The following GRHL2 variants were observed in gnomAD, a reference collection of about 807,000 sequenced individuals.
GRHL2 encodes grainyhead like transcription factor 2.
A neutral mutation model predicts 83.8 loss-of-function variants in GRHL2; 21 were observed. The ratio of observed to expected loss-of-function variants is 0.25; its 90% CI spans 0.18 to 0.36. The LOEUF (loss-of-function observed/expected upper bound fraction) is 0.36, where lower values mean the gene tolerates loss of function less well. GRHL2 is among the 10% of genes least tolerant of loss of function. The pLI, the probability that GRHL2 is intolerant of heterozygous loss-of-function variation, is 1.00. For missense variants in GRHL2, 623 were observed against 781.8 expected (o/e 0.80, Z 2.42); for synonymous variants, 280 against 278.9 (o/e 1.00, Z -0.04).
At chr8:101,516,583 A>G (rs1810577599) in intron 1 of GRHL2, among the ~76,000 whole-genome samples, 1 of 152,024 alleles carries the variant, frequency 6.6e-6, no homozygotes, top group Non-Finnish European at 1.5e-5. Context: ...ATGCCCAGCT[A>G]ATTTGTAAAG....
At chr8:101,675,298 A>G in the GRHL2 span, among the ~76,000 whole-genome samples, 1 of 152,164 alleles carries the variant, frequency 6.6e-6, no homozygotes, top group East Asian at 1.9e-4. Flanking sequence ...ATGATTGTAT[A>G]TCTAGAAAAC....
intron 2 of GRHL2, 78 bp from the exon 3 acceptor site, chr8:101,552,637 C>A: frequency 7.3e-7 from 1 of 1,377,094 alleles, no homozygotes; most frequent in Non-Finnish European, 1.0e-6. Context: ...GGTTTCTTTG[C>A]TTATGCCGGT....
chr8:101,518,856 G>A (rs1402558693), intron 1 of GRHL2, among the ~76,000 whole-genome samples: 1 of 152,194 alleles, frequency 6.6e-6, no homozygotes, highest in Admixed American at 6.5e-5. Context: ...TCCATGTTGG[G>A]AGGATATTAG....
chr8:101,559,285 G>T (rs1046167036), intron 4 of GRHL2, among the ~76,000 whole-genome samples: 3 of 149,380 alleles, frequency 2.0e-5, no homozygotes, highest in Non-Finnish European at 3.0e-5. Context: ...GCCGAAGTGC[G>T]TGGATCGAGG....
intron 4 of GRHL2, among the ~76,000 whole-genome samples, chr8:101,559,746 G>C (rs913494930): frequency 3.3e-5 from 5 of 152,062 alleles, no homozygotes; most frequent in African/African-American, 7.2e-5. Context: ...TGAGAATTTT[G>C]GTAATTGTAT....
chr8:101,634,282 T>C (rs532211691), intron 11 of GRHL2, among the ~76,000 whole-genome samples: 2 of 152,314 alleles, frequency 1.3e-5, no homozygotes, highest in South Asian at 4.1e-4. Flanking sequence ...CACACTCAGC[T>C]GTCCCTAGAA....
chr8:101,665,267 C>T (rs1277037995), intron 15 of GRHL2, among the ~76,000 whole-genome samples: 2 of 152,136 alleles, frequency 1.3e-5, no homozygotes, highest in Admixed American at 6.5e-5. Flanking sequence ...CTATGTGTGA[C>T]GGTCTAAGAG....
chr8:101,662,028 G>C (rs1813933123), intron 14 of GRHL2, among the ~76,000 whole-genome samples: 1 of 152,200 alleles, frequency 6.6e-6, no homozygotes, highest in South Asian at 2.1e-4. Context: ...ACACTATTGA[G>C]ATTGCTAAAT....
intron 15 of GRHL2, 75 bp downstream of exon 15, chr8:101,664,593 C>A (rs754206820): frequency 9.1e-7 from 1 of 1,094,698 alleles, no homozygotes; most frequent in East Asian, 2.4e-5. Context: ...TAAAATGATG[C>A]CTGTCTTTTG....
In GRHL2 at chr8:101,662,606, G is replaced by T. The variant is rs145258605; in HGVS notation, c.1699-1848G>T. Reference sequence around the variant, plus strand: ...GCCTGTGAGCCCCACCAGCTGCTGGGCTCAGAAGGGGCAGACAGAGTTGAT... The same window carrying T: ...GCCTGTGAGCCCCACCAGCTGCTGGTCTCAGAAGGGGCAGACAGAGTTGAT... On this transcript the variant is annotated intron_variant, in intron 14 of 15. Coordinates refer to ENST00000646743, the MANE Select transcript of GRHL2 (RefSeq NM_024915.4). Among the ~76,000 whole-genome samples, 623 of 152,300 alleles carry T rather than the reference G, an allele frequency of 4.1e-3. 5 individuals carry two copies. Among genetic ancestry groups the T allele is most frequent in the African/African-American group, 0.014 (578 of 41,552 alleles).
intron 1 of GRHL2, among the ~76,000 whole-genome samples, chr8:101,530,030 C>T (rs1369061837): frequency 1.3e-5 from 2 of 152,168 alleles, no homozygotes; most frequent in Non-Finnish European, 2.9e-5. Context: ...AAGGCGGACT[C>T]CTCTGTATTT....
At chr8:101,509,209 TTGTGTGTG>T (rs59898617) in intron 1 of GRHL2, among the ~76,000 whole-genome samples, 3,438 of 53,796 alleles carry the variant, frequency 0.064, 240 homozygotes, top group African/African-American at 0.12. Flanking sequence ...TTCTTTCTTC[TTGTGTGTG>T]TGTGTGTGTG....
Position 101,528,652 on chromosome 8 carries a change from T to G in GRHL2, c.21-14589T>G, listed in dbSNP as rs138152683. 1,466 of 195,848 alleles carry G rather than the reference T, an allele frequency of 7.5e-3. 58 individuals carry two copies. Among genetic ancestry groups the G allele is most frequent in the Admixed American group, 0.074 (1,307 of 17,658 alleles). The allele number at this position is 195,848 out of a possible 1,614,324, so 12.1% of individuals were successfully genotyped here. A position where few individuals can be genotyped will look rare whatever the true frequency, so the allele number is the denominator to read the frequency against. The stretch of plus-strand genomic sequence containing the variant: ...AACCACTGGAGAACAGAAAGCAGCA[T>G]GAACTTTTCAGCAGGCAATCCCATA... On this transcript the variant is annotated intron_variant, in intron 1 of 15. Coordinates refer to ENST00000646743, the MANE Select transcript of GRHL2 (RefSeq NM_024915.4).
chr8:101,623,359 T>C (rs765873882), intron 9 of GRHL2, among the ~76,000 whole-genome samples: 17 of 151,944 alleles, frequency 1.1e-4, no homozygotes, highest in African/African-American at 2.9e-4. Flanking sequence ...GAGTACACAG[T>C]AGGACAGTTC....
intron 1 of GRHL2, among the ~76,000 whole-genome samples, chr8:101,507,400 T>A (rs904391182): frequency 3.3e-5 from 5 of 152,196 alleles, no homozygotes; most frequent in Admixed American, 2.0e-4. Context: ...TTTTTAGTGT[T>A]ATTTAAAATA....
rs1814000044 is a variant in GRHL2, at chr8:101,664,467, ATGGGCTGCCCG to A, written c.1716_1726del (p.Leu573GlufsTer19). 6.2e-7 allele frequency: 1 copy of A among 1,613,492 alleles called. No homozygotes were observed. Among genetic ancestry groups the A allele is most frequent in the Non-Finnish European group, 8.5e-7 (1 of 1,179,560 alleles). On this transcript the variant is annotated frameshift_variant, in exon 15 of 16. Transcript: ENST00000646743. LOFTEE classifies it high-confidence loss of function. ...TTGGTATTACAGATATCTGAGAAAT[ATGGGCTGCCCG>A]TGGAGAAGATAGCAAAGCTTTACAA...
intron 12 of GRHL2, among the ~76,000 whole-genome samples, chr8:101,638,470 A>G (rs1239703586): frequency 6.6e-6 from 1 of 152,234 alleles, no homozygotes; most frequent in Non-Finnish European, 1.5e-5. Context: ...AGCTGTGTCA[A>G]TTTGTTTATG....
intron 5 of GRHL2, among the ~76,000 whole-genome samples, chr8:101,571,985 G>A (rs1296297665): frequency 2.0e-5 from 3 of 152,202 alleles, no homozygotes; most frequent in Non-Finnish European, 4.4e-5. Flanking sequence ...AGCAGAGCGA[G>A]CATGTCTCTT....
At chr8:101,646,922 G>A (rs1219258160) in intron 13 of GRHL2, among the ~76,000 whole-genome samples, 1 of 152,226 alleles carries the variant, frequency 6.6e-6, no homozygotes, top group African/African-American at 2.4e-5. Context: ...GCCCAGCAGG[G>A]GAACGGTGGA....
Sources: allele counts gnomAD v4.1 joint callset (sites outside exome capture counted in the v4.1 genomes callset), GRCh38; gene constraint gnomAD v4.1.1; transcripts MANE v1.5; gene names NCBI Gene and HGNC (gene_info 2026-07-23, HGNC 2026-07-21).